ALK: variants seen among roughly 807,000 people sequenced by gnomAD.
The protein encoded by ALK is ALK tyrosine kinase receptor.
Under a neutral mutation model 163.1 loss-of-function variants are expected in ALK, and 74 were observed. The ratio of observed to expected loss-of-function variants is 0.45; its 90% CI spans 0.38 to 0.55. The LOEUF (loss-of-function observed/expected upper bound fraction) is 0.55, where lower values mean the gene tolerates loss of function less well. Ranked by LOEUF, ALK falls within the 20% of genes least tolerant of loss-of-function variation. The pLI is 0.00. For missense variants in ALK, 2,063 were observed against 2,105.3 expected (o/e 0.98, Z 0.39); for synonymous variants, 960 against 843.2 (o/e 1.14, Z -2.40).
intron 1 of ALK, among the ~76,000 whole-genome samples, chr2:29,858,894 C>T (rs1301685219): frequency 6.6e-6 from 1 of 150,498 alleles, no homozygotes; most frequent in East Asian, 2.0e-4. Flanking sequence ...CAAAAATTAG[C>T]CAGGCACACG....
At chr2:29,636,744 C>T (rs919537669) in intron 3 of ALK, among the ~76,000 whole-genome samples, 35 of 152,070 alleles carry the variant, frequency 2.3e-4, no homozygotes, top group African/African-American at 8.2e-4. Flanking sequence ...CCTCAAAATT[C>T]AACAATTAAA....
chr2:29,596,556 G>A (rs747021331), intron 3 of ALK, among the ~76,000 whole-genome samples: 8 of 152,186 alleles, frequency 5.3e-5, no homozygotes, highest in Non-Finnish European at 1.0e-4. Flanking sequence ...TGGCTGCAAG[G>A]GGCAGGTAGG....
At chr2:29,291,257 G>A (rs1666015412) in intron 9 of ALK, among the ~76,000 whole-genome samples, 1 of 151,922 alleles carries the variant, frequency 6.6e-6, no homozygotes, top group South Asian at 2.1e-4. Flanking sequence ...CTAGCTACTA[G>A]GGAGGCTGTG....
intron 3 of ALK, among the ~76,000 whole-genome samples, chr2:29,553,915 T>C (rs1275205124): frequency 2.0e-5 from 3 of 152,234 alleles, no homozygotes; most frequent in Admixed American, 2.0e-4. Flanking sequence ...TTTTCCTTGT[T>C]GATTTGTAAG....
rs189938819 is a variant in ALK at position 29,252,118 on chromosome 2, C to T, written c.2042-851G>A. Among the ~76,000 whole-genome samples, 86 of 152,196 alleles carry T rather than the reference C, an allele frequency of 5.7e-4. 1 individual carries two copies. The East Asian group carries it at 0.014, about 25-fold the overall frequency. ...TCCTGGTGTTCTGTGTCCCACCCAA[C>T]GTCCCTAGGTGGCTTTCTGGGGGCA... On this transcript the variant is annotated intron_variant, in intron 11 of 28. Transcript: ENST00000389048.
At chr2:29,409,696 C>T (rs1486343713) in intron 4 of ALK, among the ~76,000 whole-genome samples, 2 of 152,100 alleles carry the variant, frequency 1.3e-5, no homozygotes, top group Admixed American at 1.3e-4. Flanking sequence ...TGACCTGGGA[C>T]CGTGGTGCAG....
At chr2:29,727,584 G>A (rs889977951) in intron 1 of ALK, among the ~76,000 whole-genome samples, 2 of 152,214 alleles carry the variant, frequency 1.3e-5, no homozygotes, top group African/African-American at 4.8e-5. Flanking sequence ...AAGAATTAAT[G>A]AGACAGTATC....
At chr2:29,751,158 G>A (rs1293911277) in intron 1 of ALK, among the ~76,000 whole-genome samples, 1 of 152,132 alleles carries the variant, frequency 6.6e-6, no homozygotes, top group Non-Finnish European at 1.5e-5. Flanking sequence ...CCTGTATAGG[G>A]CATTTACCAC....
At chr2:29,644,938 G>C (rs946353221) in intron 3 of ALK, among the ~76,000 whole-genome samples, 3 of 152,002 alleles carry the variant, frequency 2.0e-5, no homozygotes, top group African/African-American at 7.3e-5. Flanking sequence ...GATTTCACTG[G>C]CTCTGGGTGC....
At chr2:29,830,694 C>A (rs950686325) in intron 1 of ALK, among the ~76,000 whole-genome samples, 2 of 104,988 alleles carry the variant, frequency 1.9e-5, no homozygotes, top group African/African-American at 7.3e-5. Flanking sequence ...CACAGCAAGA[C>A]CCTGTCTCTA....
At chr2:29,598,268 C>T (rs1256154284) in intron 3 of ALK, among the ~76,000 whole-genome samples, 3 of 152,196 alleles carry the variant, frequency 2.0e-5, no homozygotes, top group Non-Finnish European at 4.4e-5. Context: ...TCAGGTGATC[C>T]ACCCACCTCG....
intron 13 of ALK, among the ~76,000 whole-genome samples, chr2:29,237,449 G>T (rs563865166): frequency 6.6e-6 from 1 of 152,098 alleles, no homozygotes; most frequent in East Asian, 1.9e-4. Context: ...CCTTCCTTTG[G>T]CTCCCTCTCC....
chr2:29,257,848 T>G (rs1290934780), intron 11 of ALK, among the ~76,000 whole-genome samples: 2 of 152,176 alleles, frequency 1.3e-5, no homozygotes, highest in Non-Finnish European at 2.9e-5. Flanking sequence ...AATTCATCCA[T>G]TTCTTTTTGA....
chr2:29,729,794 A>C (rs920601626), intron 1 of ALK, among the ~76,000 whole-genome samples: 1 of 152,138 alleles, frequency 6.6e-6, no homozygotes. Flanking sequence ...TTTAAAATAC[A>C]CTTTCGGTTT....
chr2:29,340,231 A>G (rs746799132), intron 5 of ALK, among the ~76,000 whole-genome samples: 2 of 152,214 alleles, frequency 1.3e-5, no homozygotes, highest in Non-Finnish European at 2.9e-5. Flanking sequence ...TAAACAATGC[A>G]ATTTCAACTG....
intron 3 of ALK, among the ~76,000 whole-genome samples, chr2:29,543,276 G>A (rs1673462981): frequency 6.6e-6 from 1 of 152,198 alleles, no homozygotes; most frequent in Admixed American, 6.5e-5. Context: ...TTTTCATGCT[G>A]CTGGATTATT....
intron 4 of ALK, among the ~76,000 whole-genome samples, chr2:29,468,371 A>G (rs372010863): frequency 1.6e-4 from 25 of 152,338 alleles, no homozygotes; most frequent in East Asian, 1.2e-3. Flanking sequence ...AAAAATTATG[A>G]GAACTGCTGA....
intron 3 of ALK, among the ~76,000 whole-genome samples, chr2:29,616,151 C>T (rs1181678604): frequency 6.6e-6 from 1 of 152,208 alleles, no homozygotes; most frequent in African/African-American, 2.4e-5. Context: ...ATGGCCACAG[C>T]TCTCTGGGCA....
intron 3 of ALK, among the ~76,000 whole-genome samples, chr2:29,544,168 G>A (rs1180119079): frequency 1.3e-5 from 2 of 152,200 alleles, no homozygotes; most frequent in African/African-American, 4.8e-5. Context: ...GACAGAAGGA[G>A]TGCAGTGTAA....
Sources: allele counts gnomAD v4.1 joint callset (sites outside exome capture counted in the v4.1 genomes callset), GRCh38; gene constraint gnomAD v4.1.1; transcripts MANE v1.5; gene names NCBI Gene and HGNC (gene_info 2026-07-23, HGNC 2026-07-21).